Variants in ANXA2R observed in about 807,000 individuals in gnomAD.
The protein encoded by ANXA2R is annexin-2 receptor.
For missense variants in ANXA2R, 244 were observed against 241.5 expected (o/e 1.01, Z -0.07); for synonymous variants, 93 against 93.6 (o/e 0.99, Z 0.04).
chr5:43,039,728 C>G lies in ANXA2R; in HGVS notation c.319G>C (p.Val107Leu). The change falls in exon 1 of 1, where the codon GTG (valine) becomes CTG (leucine). Residue 107 changes from valine (V) to leucine (L), a missense_variant. Coordinates refer to ENST00000616064, the MANE Select transcript of ANXA2R (RefSeq NM_001014279.3). ...CTGTCGGGTTCCTCTGCCTGCCCCA[C>G]CTCTTCTACGGGTGCCTCTTGCTGC... ...QKQQEAPVEE[V>L]GQAEEPDRLR... 1 of 1,614,180 alleles carries G rather than the reference C, an allele frequency of 6.2e-7. No individual in the cohort carries two copies.
Position 43,040,027 on chromosome 5 carries a change from C to A in ANXA2R, c.20G>T (p.Gly7Val). The A allele has an allele frequency of 2.5e-6, 4 of 1,608,658 alleles. No homozygotes were observed. Among genetic ancestry groups the A allele is most frequent in the Non-Finnish European group, 3.4e-6 (4 of 1,177,770 alleles). The change falls in exon 1 of 1, where the codon GGC (glycine) becomes GTC (valine). Residue 7 changes from glycine to valine, a missense_variant. Coordinates refer to ENST00000616064, the MANE Select transcript of ANXA2R (RefSeq NM_001014279.3). Reference protein sequence around the residue: MEQHFLGCVKRAWDSAE... With the variant: MEQHFLVCVKRAWDSAE... ...GGAATCCCAAGCCCGCTTCACACAG[C>A]CAAGAAAATGTTGCTCCATCCCTCA...
chr5:43,042,539 GC>G (rs1282256467), upstream of ANXA2R: 1 of 152,760 alleles, frequency 6.5e-6, no homozygotes, highest in Non-Finnish European at 1.5e-5. The surrounding 1 kb of genome is among the most constrained non-coding windows in gnomAD (Gnocchi z 5.6). Flanking sequence ...CGCGCCGCTG[GC>G]GAAAGAGCCA....
Position 43,039,967 on chromosome 5 carries a change from A to G in ANXA2R, c.80T>C (p.Ile27Thr), listed in dbSNP as rs771445012. The change falls in exon 1 of 1, where the codon ATT (isoleucine) becomes ACT (threonine). Residue 27 changes from isoleucine (I) to threonine (T), a missense_variant. Physicochemically the swap from Ile to Thr is moderately conservative, Grantham distance 89 (BLOSUM62 -1). Coordinates refer to ENST00000616064, the MANE Select transcript of ANXA2R (RefSeq NM_001014279.3). Reference sequence around the variant, plus strand: ...CGGCCCACGATCTTCTGAACTCACAATAGGTGGAGGCTGGGGCTCTGGCGC... The same window carrying G: ...CGGCCCACGATCTTCTGAACTCACAGTAGGTGGAGGCTGGGGCTCTGGCGC... The part of the protein sequence containing the change: ...EVAPEPQPPP[I>T]VSSEDRGPWP... 1.9e-6 allele frequency: 3 copies of G among 1,614,068 alleles called. No individual in the cohort carries two copies. The highest frequency in any genetic ancestry group is 2.5e-6 in the Non-Finnish European group (3 of 1,180,026).
chr5:43,039,921 T>G lies in ANXA2R; in HGVS notation c.126A>C (p.Pro42=), dbSNP rs144008686. The part of the protein sequence containing the change: ...DRGPWPLPLY[P]VLGEYSLDSC... Reference sequence around the variant, plus strand: ...TGTCCAGTGAGTACTCTCCTAGTACTGGATACAAAGGAAGAGGCCACGGCC... The same window carrying G: ...TGTCCAGTGAGTACTCTCCTAGTACGGGATACAAAGGAAGAGGCCACGGCC... Residue 42 remains proline (P), a synonymous_variant, in exon 1 of 1, where the codon CCA becomes CCC. Transcript: ENST00000616064. 609 of 1,614,200 alleles carry G rather than the reference T, an allele frequency of 3.8e-4. 6 individuals are homozygous for G. In the African/African-American group the frequency reaches 7.2e-3, roughly 19 times the overall value.
At chr5:43,042,594 G>A (rs530107094), upstream of ANXA2R, 1 of 152,860 alleles carries the variant, frequency 6.5e-6, no homozygotes, top group South Asian at 2.1e-4. The surrounding 1 kb of genome is among the most constrained non-coding windows in gnomAD (Gnocchi z 5.6). Flanking sequence ...GCACTAGAGG[G>A]CCTCGGATGG....
rs929553111 is a variant in ANXA2R at position 43,039,483 on chromosome 5, A to G, written c.564T>C (p.Cys188=). ...SVLWACCSRI[C]GAKQP ...CTGCTATCTAAGGCTGCTTAGCTCC[A>G]CAGATCCGTGAACAGCACGCCCAGA... The change falls in exon 1 of 1, where the codon TGT becomes TGC. Residue 188 remains cysteine (C), a synonymous_variant. Coordinates refer to ENST00000616064, the MANE Select transcript of ANXA2R (RefSeq NM_001014279.3). The G allele has an allele frequency of 1.3e-6, 2 of 1,574,952 alleles. No individual in the cohort carries two copies. Among genetic ancestry groups the G allele is most frequent in the African/African-American group, 2.7e-5 (2 of 73,862 alleles).
At position 43,039,911 on chromosome 5, in the gene ANXA2R, C is replaced by A. The variant is rs762395601; in HGVS notation, c.136G>T (p.Glu46Ter). The A allele has an allele frequency of 2.5e-6, 4 of 1,614,180 alleles. No individual in the cohort carries two copies. The Admixed American group carries it at 6.7e-5, about 27-fold the overall frequency. The stretch of plus-strand genomic sequence containing the variant: ...AAATCACAGCTGTCCAGTGAGTACT[C>A]TCCTAGTACTGGATACAAAGGAAGA... The change falls in exon 2 of 2, where the codon GAG becomes TAG. Residue 46 changes from glutamate to a stop codon, truncating the protein, a stop_gained. Transcript: ENST00000314890. LOFTEE classifies it low-confidence loss of function (END_TRUNC).
chr5:43,041,333 T>TTGC (rs1163609818), upstream of ANXA2R: 1 of 151,984 alleles, frequency 6.6e-6, no homozygotes, highest in Non-Finnish European at 1.5e-5. Context: ...CCCCTGCAGG[T>TTGC]TGCTCCTGTC....
In ANXA2R at chr5:43,040,215, A is replaced by G; in HGVS notation, c.-169T>C. The G allele has an allele frequency of 1.6e-6, 1 of 613,392 alleles. No homozygotes were observed. Among genetic ancestry groups the G allele is most frequent in the African/African-American group, 1.8e-5 (1 of 54,204 alleles). The allele number at this position is 613,392 out of a possible 1,614,324, so 38.0% of individuals were successfully genotyped here. A position where few individuals can be genotyped will look rare whatever the true frequency, so the allele number is the denominator to read the frequency against. ...AATTAGTAGACAAATGAAAAACGATAACATTTTAGAGAGTACATAGAACCA... is the reference window on the plus strand; with the variant it reads ...AATTAGTAGACAAATGAAAAACGATGACATTTTAGAGAGTACATAGAACCA... On this transcript the variant is annotated 5_prime_UTR_variant, in exon 1 of 1. Coordinates refer to ENST00000616064, the MANE Select transcript of ANXA2R (RefSeq NM_001014279.3).
In ANXA2R at chr5:43,039,746, C is replaced by T. The variant is rs759110883; in HGVS notation, c.301G>A (p.Glu101Lys). 6 of 1,614,080 alleles carry T rather than the reference C, an allele frequency of 3.7e-6. No individual in the cohort carries two copies. The East Asian group carries it at 1.3e-4, about 36-fold the overall frequency. Residue 101 changes from glutamate (E) to lysine (K), a missense_variant, in exon 1 of 1, where the codon GAG becomes AAG. Physicochemically the swap from Glu to Lys is moderately conservative, Grantham distance 56. Transcript: ENST00000616064. Reference protein sequence around the residue: ...FSWPGTQKQQEAPVEEVGQAE... With the variant: ...FSWPGTQKQQKAPVEEVGQAE... The stretch of plus-strand genomic sequence containing the variant: ...TGCCCCACCTCTTCTACGGGTGCCT[C>T]TTGCTGCTTCTGTGTCCCCGGCCAA...
chr5:43,041,854 C>T (rs1292424112), upstream of ANXA2R: 1 of 152,166 alleles, frequency 6.6e-6, no homozygotes, highest in African/African-American at 2.4e-5. Context: ...AGGGTAACTT[C>T]GCCTTCGCAT....
chr5:43,042,616 C>T (rs934108979), upstream of ANXA2R: 1 of 152,772 alleles, frequency 6.5e-6, no homozygotes, highest in African/African-American at 2.4e-5. This position sits in a 1 kb window ranked among gnomAD's most constrained non-coding sequence, Gnocchi z 5.6. Context: ...GAAAGCCCCG[C>T]ACCGAGACGA....
rs751278053 is a variant in ANXA2R at position 43,039,581 on chromosome 5, A to T, written c.466T>A (p.Trp156Arg). 9.9e-6 allele frequency: 16 copies of T among 1,613,912 alleles called. No individual in the cohort carries two copies. The highest frequency in any genetic ancestry group is 1.4e-5 in the Non-Finnish European group (16 of 1,179,930). Reference protein sequence around the residue: ...ERRHPPALQPWRHLPGFSDCL... With the variant: ...ERRHPPALQPRRHLPGFSDCL... ...TCTGAGAAACCCGGGAGGTGGCGCCACGGCTGGAGGGCAGGAGGATGGCGG... is the reference window on the plus strand; with the variant it reads ...TCTGAGAAACCCGGGAGGTGGCGCCTCGGCTGGAGGGCAGGAGGATGGCGG... Residue 156 changes from tryptophan (W) to arginine (R), a missense_variant, in exon 1 of 1, where the codon TGG (tryptophan) becomes AGG (arginine). Transcript: ENST00000616064.
rs772528720 is a variant in ANXA2R, at chr5:43,039,958, G to A, written c.89C>T (p.Ser30Leu). Residue 30 changes from serine (S) to leucine (L), a missense_variant, in exon 1 of 1, where the codon TCA (serine) becomes TTA (leucine). Physicochemically the swap from Ser to Leu is moderately radical, Grantham distance 145 (BLOSUM62 -2). Coordinates refer to ENST00000616064, the MANE Select transcript of ANXA2R (RefSeq NM_001014279.3). ...PEPQPPPIVS[S>L]EDRGPWPLPL... ...AAGAGGCCACGGCCCACGATCTTCT[G>A]AACTCACAATAGGTGGAGGCTGGGG... 8 of 1,614,128 alleles carry A rather than the reference G, an allele frequency of 5.0e-6. No homozygotes were observed. The highest frequency in any genetic ancestry group is 6.8e-6 in the Non-Finnish European group (8 of 1,180,038).
rs962495048 is a variant in ANXA2R, at chr5:43,039,868, G to A, written c.179C>T (p.Pro60Leu). The A allele has an allele frequency of 1.2e-6, 2 of 1,614,234 alleles. No individual in the cohort carries two copies. The highest frequency in any genetic ancestry group is 2.7e-5 in the African/African-American group (2 of 75,054). Residue 60 changes from proline (P) to leucine (L), a missense_variant, in exon 1 of 1, where the codon CCT becomes CTT. By Grantham distance (98) the Pro-to-Leu change is moderately conservative. Coordinates refer to ENST00000616064, the MANE Select transcript of ANXA2R (RefSeq NM_001014279.3). ...DSCDLGLLSS[P>L]CWRLPGVYWQ... Reference sequence around the variant, plus strand: ...GTAGACTCCGGGCAGCCGCCAGCAAGGGCTGGAAAGCAGTCCCAAATCACA... The same window carrying A: ...GTAGACTCCGGGCAGCCGCCAGCAAAGGCTGGAAAGCAGTCCCAAATCACA...
In ANXA2R at chr5:43,040,010, AAGCCCGCTTCACAC is replaced by A. The variant is rs1561349552; in HGVS notation, c.23_36del (p.Cys8LeufsTer41). On this transcript the variant is annotated frameshift_variant, in exon 2 of 2. Coordinates refer to the ANXA2R transcript ENST00000314890. LOFTEE classifies it low-confidence loss of function (END_TRUNC). ...TCTGGCGCCACCTCTGCGGAATCCC[AAGCCCGCTTCACAC>A]AGCCAAGAAAATGTTGCTCCATCCC... 3 of 1,612,278 alleles carry A rather than the reference AAGCCCGCTTCACAC, an allele frequency of 1.9e-6. No homozygotes were observed. Among genetic ancestry groups the A allele is most frequent in the Non-Finnish European group, 2.5e-6 (3 of 1,179,452 alleles).
Position 43,040,213 on chromosome 5 carries a change from A to G in ANXA2R, c.-167T>C, listed in dbSNP as rs531012319. 1.3e-5 allele frequency: 8 copies of G among 619,580 alleles called. No individual in the cohort carries two copies. Among genetic ancestry groups the G allele is most frequent in the African/African-American group, 7.4e-5 (4 of 54,348 alleles). 38.4% of individuals were successfully genotyped at this position (619,580 alleles called of 1,614,324 possible). ...AAAATTAGTAGACAAATGAAAAACG[A>G]TAACATTTTAGAGAGTACATAGAAC... On this transcript the variant is annotated 5_prime_UTR_variant, in exon 1 of 1. Transcript: ENST00000616064.
upstream of ANXA2R, chr5:43,042,067 G>C (rs1579633137): frequency 6.6e-6 from 1 of 152,284 alleles, no homozygotes; most frequent in Non-Finnish European, 1.5e-5. This position sits in a 1 kb window ranked among gnomAD's most constrained non-coding sequence, Gnocchi z 5.6. Flanking sequence ...GGGGTCCTGC[G>C]ACAGAGACGC....
chr5:43,040,780 C>G (rs1181549817), upstream of ANXA2R: 1 of 152,200 alleles, frequency 6.6e-6, no homozygotes, highest in Non-Finnish European at 1.5e-5. Flanking sequence ...CTAGTGCGAA[C>G]AGCGGCTCGG....
Sources: gnomAD v4.1 joint callset for allele counts on GRCh38, gnomAD v4.1.1 for gene constraint, Gnocchi (gnomAD v3.1) non-coding constraint, MANE v1.5 for transcripts, NCBI Gene and HGNC (gene_info 2026-07-23, HGNC 2026-07-21) for gene names.